THAP12: variants seen among roughly 807,000 people sequenced by gnomAD.
The protein encoded by THAP12 is THAP domain containing 12, also known as 52 kDa repressor of the inhibitor of the protein kinase.
THAP12 carries 20 observed loss-of-function variants against 63.0 expected under a neutral mutation model. The observed-to-expected ratio is 0.32, with a 90% CI of 0.22 to 0.46. The LOEUF (loss-of-function observed/expected upper bound fraction) is 0.46, where lower values mean the gene tolerates loss of function less well. Ranked by LOEUF, THAP12 falls within the 20% of genes least tolerant of loss-of-function variation. The pLI is 1.00. For missense variants in THAP12, 568 were observed against 908.2 expected (o/e 0.63, Z 4.81); for synonymous variants, 264 against 328.4 (o/e 0.80, Z 2.12).
intron 4 of THAP12, among the ~76,000 whole-genome samples, chr11:76,354,709 A>G (rs1946548554): frequency 6.6e-6 from 1 of 152,186 alleles, no homozygotes; most frequent in Non-Finnish European, 1.5e-5. Context: ...TACCATGGAA[A>G]TCAGGTCCCT....
chr11:76,370,235 C>A (rs949685699), intron 1 of THAP12, among the ~76,000 whole-genome samples: 1 of 152,138 alleles, frequency 6.6e-6, no homozygotes, highest in Non-Finnish European at 1.5e-5. Context: ...AACCATGAAG[C>A]AGAGGAAGTT....
intron 1 of THAP12, among the ~76,000 whole-genome samples, chr11:76,369,490 G>C (rs1471077128): frequency 6.6e-6 from 1 of 152,246 alleles, no homozygotes; most frequent in Non-Finnish European, 1.5e-5. Flanking sequence ...ACCTCAGGCT[G>C]CTGTCCTTAG....
chr11:76,364,637 T>C (rs534770396), intron 2 of THAP12, among the ~76,000 whole-genome samples: 1 of 152,300 alleles, frequency 6.6e-6, no homozygotes, highest in African/African-American at 2.4e-5. Flanking sequence ...AACTCAGGAA[T>C]TACCTGGCCT....
chr11:76,377,418 C>T (rs944044614), intron 1 of THAP12, among the ~76,000 whole-genome samples: 3 of 152,210 alleles, frequency 2.0e-5, no homozygotes, highest in Non-Finnish European at 4.4e-5. Context: ...CTCCCTTTCG[C>T]CCAGCCCCAG....
intron 1 of THAP12, among the ~76,000 whole-genome samples, chr11:76,372,589 T>TAAA (rs57050881): frequency 5.1e-5 from 6 of 116,728 alleles, no homozygotes; most frequent in African/African-American, 9.4e-5. Flanking sequence ...CTGTTACATT[T>TAAA]AAAAAAAAAA....
At chr11:76,367,892 C>T (rs1946642973) in intron 1 of THAP12, among the ~76,000 whole-genome samples, 2 of 152,110 alleles carry the variant, frequency 1.3e-5, no homozygotes, top group Non-Finnish European at 2.9e-5. Context: ...AATTGTACAG[C>T]ATTTCATTTG....
chr11:76,365,356 A>AGTTTT (rs201045167), intron 2 of THAP12, among the ~76,000 whole-genome samples: 3,314 of 150,806 alleles, frequency 0.022, 111 homozygotes, highest in Admixed American at 0.084. Flanking sequence ...GGAACCGAAG[A>AGTTTT]GTTTTGTTTT....
chr11:76,378,260 AAAAAATAC>A (rs1946725147), intron 1 of THAP12, among the ~76,000 whole-genome samples: 1 of 152,158 alleles, frequency 6.6e-6, no homozygotes, highest in African/African-American at 2.4e-5. Flanking sequence ...CTTGACTAAA[AAAAAATAC>A]AAAAATTAGC....
chr11:76,374,008 C>T (rs985606673), intron 1 of THAP12, among the ~76,000 whole-genome samples: 4 of 152,146 alleles, frequency 2.6e-5, no homozygotes, highest in African/African-American at 7.2e-5. Context: ...ATCTCTTTAA[C>T]GTCCAGCTTA....
intron 3 of THAP12, chr11:76,358,765 C>G (rs1048314852): frequency 6.6e-6 from 1 of 151,880 alleles, no homozygotes; most frequent in Non-Finnish European, 1.5e-5. Flanking sequence ...CAGTGTCTGC[C>G]CCACTGCACT....
chr11:76,353,471 C>T (rs943918361), intron 4 of THAP12, among the ~76,000 whole-genome samples: 7 of 152,202 alleles, frequency 4.6e-5, no homozygotes, highest in Non-Finnish European at 7.3e-5. Flanking sequence ...TTTATCAAAC[C>T]ATTATGCCAC....
chr11:76,360,176 A>G (rs1946589020), intron 3 of THAP12, among the ~76,000 whole-genome samples: 1 of 152,228 alleles, frequency 6.6e-6, no homozygotes, highest in Non-Finnish European at 1.5e-5. Context: ...CTAAATAGAA[A>G]GGTAAGCATA....
At chr11:76,364,485 G>T in intron 2 of THAP12, 1 of 384,922 alleles carries the variant, frequency 2.6e-6, no homozygotes. Context: ...GTGTACCTTT[G>T]AATCAAGTTT....
At chr11:76,375,052 TA>T (rs989522706) in intron 1 of THAP12, among the ~76,000 whole-genome samples, 3 of 152,172 alleles carry the variant, frequency 2.0e-5, no homozygotes, top group African/African-American at 7.2e-5. Flanking sequence ...AAAAATCACC[TA>T]GTCTAAGGTA....
chr11:76,378,208 C>G (rs1946724583), intron 1 of THAP12, among the ~76,000 whole-genome samples: 1 of 152,164 alleles, frequency 6.6e-6, no homozygotes, highest in African/African-American at 2.4e-5. Flanking sequence ...CACCTGAGAT[C>G]AGGAGTTCGA....
intron 1 of THAP12, among the ~76,000 whole-genome samples, chr11:76,376,162 A>G (rs1024365819): frequency 1.3e-5 from 2 of 152,210 alleles, no homozygotes; most frequent in African/African-American, 4.8e-5. Flanking sequence ...AATGTAATTA[A>G]CGCCACTGAA....
chr11:76,359,048 G>C (rs776970341), intron 3 of THAP12: 4 of 152,224 alleles, frequency 2.6e-5, no homozygotes, highest in East Asian at 1.9e-4. Context: ...GATACAATCA[G>C]TAACAGAGGA....
At chr11:76,370,771 A>C (rs1237864483) in intron 1 of THAP12, among the ~76,000 whole-genome samples, 6 of 150,720 alleles carry the variant, frequency 4.0e-5, no homozygotes, top group Admixed American at 4.0e-4. Flanking sequence ...GCAGTAGGCC[A>C]AGATCGCACC....
At chr11:76,367,726 C>G (rs1340567491) in intron 1 of THAP12, among the ~76,000 whole-genome samples, 3 of 152,192 alleles carry the variant, frequency 2.0e-5, no homozygotes, top group Admixed American at 6.5e-5. Context: ...CCCGGCCCAA[C>G]ATATTCCTTT....
Sources: allele counts gnomAD v4.1 joint callset (sites outside exome capture counted in the v4.1 genomes callset), GRCh38; gene constraint gnomAD v4.1.1; transcripts MANE v1.5; gene names NCBI Gene and HGNC (gene_info 2026-07-23, HGNC 2026-07-21).